The following TMEM132A variants were observed in gnomAD, a reference collection of about 807,000 sequenced individuals.
The protein encoded by TMEM132A is GRP78-binding protein.
TMEM132A carries 48 observed loss-of-function variants against 69.9 expected under a neutral mutation model. The ratio of observed to expected loss-of-function variants is 0.69; its 90% CI spans 0.55 to 0.87. The LOEUF is 0.87. Among genes scored for constraint, TMEM132A ranks in the 40% least tolerant of loss-of-function variants. The pLI, the probability that TMEM132A is intolerant of heterozygous loss-of-function variation, is 0.00. For synonymous variants in TMEM132A, 577 were observed against 613.7 expected, an observed-to-expected ratio of 0.94 and a Z score of 0.88; for missense variants, 1,287 against 1,407.2, an observed-to-expected ratio of 0.91 and a Z score of 1.37.
At chr11:60,933,512 C>A (rs780553367) in intron 7 of TMEM132A, 30 bp from the exon 8 acceptor site, 1 of 1,583,356 alleles carries the variant, frequency 6.3e-7, no homozygotes, top group Non-Finnish European at 8.6e-7. Context: ...AGTGGCTTAG[C>A]CCGCCCACCT....
Position 60,927,686 on chromosome 11 carries a change from T to C in TMEM132A, c.361T>C (p.Trp121Arg), listed in dbSNP as rs1268485567. The change falls in exon 3 of 11, where the codon TGG becomes CGG. Residue 121 changes from tryptophan to arginine, a missense_variant. Transcript: ENST00000453848. ...VTEPHQRPVPWDVRAVSVEAA... is the reference protein window; with the variant it reads ...VTEPHQRPVPRDVRAVSVEAA... The stretch of plus-strand genomic sequence containing the variant: ...TGAGCCCCACCAACGGCCAGTCCCA[T>C]GGGACGTGCGGGCCGTTTCAGTGGA... 1.2e-6 allele frequency: 2 copies of C among 1,613,544 alleles called. No individual in the cohort carries two copies. Among genetic ancestry groups the C allele is most frequent in the South Asian group, 2.2e-5 (2 of 91,070 alleles).
At position 60,933,735 on chromosome 11, in the gene TMEM132A, C is replaced by G. The variant is rs1252882565; in HGVS notation, c.1550C>G (p.Pro517Arg). Residue 517 changes from proline to arginine, a missense_variant, in exon 8 of 11, where the codon CCT becomes CGT. Coordinates refer to ENST00000453848, the MANE Select transcript of TMEM132A (RefSeq NM_178031.3). Reference sequence around the variant, plus strand: ...GTCCGCGGCTGGAGGGTACCTGGCCCTGCTGAAGGGTGAGTGGAGGCCTGA... The same window carrying G: ...GTCCGCGGCTGGAGGGTACCTGGCCGTGCTGAAGGGTGAGTGGAGGCCTGA... ...EQVRGWRVPG[P>R]AEGPAEPAAE... 6.3e-7 allele frequency: 1 copy of G among 1,576,530 alleles called. No homozygotes were observed. The highest frequency in any genetic ancestry group is 1.3e-5 in the African/African-American group (1 of 74,170).
At position 60,933,593 on chromosome 11, in the gene TMEM132A, G is replaced by A. The variant is rs1439602692; in HGVS notation, c.1408G>A (p.Ala470Thr). 13 of 1,607,412 alleles carry A rather than the reference G, an allele frequency of 8.1e-6. No individual in the cohort carries two copies. The highest frequency in any genetic ancestry group is 1.1e-5 in the Non-Finnish European group (13 of 1,179,264). Residue 470 changes from alanine to threonine, a missense_variant, in exon 8 of 11, where the codon GCC (alanine) becomes ACC (threonine). By Grantham distance (58) the Ala-to-Thr change is moderately conservative. Coordinates refer to ENST00000453848, the MANE Select transcript of TMEM132A (RefSeq NM_178031.3). ...CGTGGCTGGCAAGGAGAGCCGGGGC[G>A]CCCGGGGGGTGCGAGTGGACTTCTG... ...VFVAGKESRG[A>T]RGVRVDFWWR...
chr11:60,924,853 G>C, intron 1 of TMEM132A, 120 bp downstream of exon 1: 1 of 710,172 alleles, frequency 1.4e-6, no homozygotes, highest in Non-Finnish European at 2.2e-6. Context: ...GGGTCGCCCC[G>C]CAGCGCCCTG....
At chr11:60,929,019 C>G (rs1464513327) in intron 4 of TMEM132A, 59 bp downstream of exon 4, 1 of 1,551,634 alleles carries the variant, frequency 6.4e-7, no homozygotes, top group African/African-American at 1.4e-5. Flanking sequence ...AGACTAGGGA[C>G]AGGTACCTGC....
Position 60,934,521 on chromosome 11 carries a change from G to T in TMEM132A, c.1593G>T (p.Glu531Asp). 2.1e-6 allele frequency: 3 copies of T among 1,446,616 alleles called. No individual in the cohort carries two copies. The highest frequency in any genetic ancestry group is 2.7e-5 in the East Asian group (1 of 36,802). 89.6% of individuals were successfully genotyped at this position (1,446,616 alleles called of 1,614,324 possible). The change falls in exon 9 of 11, where the codon GAG (glutamate) becomes GAT (aspartate). Residue 531 changes from glutamate (E) to aspartate (D), a missense_variant. Coordinates refer to ENST00000453848, the MANE Select transcript of TMEM132A (RefSeq NM_178031.3). The part of the protein sequence containing the change: ...PAEPAAEASD[E>D]AERRARGCHL... Reference sequence around the variant, plus strand: ...AACCCGCTGCAGAGGCGTCGGATGAGGCCGAGCGGCGCGCCCGTGGCTGCC... The same window carrying T: ...AACCCGCTGCAGAGGCGTCGGATGATGCCGAGCGGCGCGCCCGTGGCTGCC...
Position 60,933,751 on chromosome 11 carries a change from G to A in TMEM132A, c.1559+7G>A, listed in dbSNP as rs1195170600. ...TACCTGGCCCTGCTGAAGGGTGAGT[G>A]GAGGCCTGAGGAAGCTGGCAGGCCT... is the stretch of plus-strand genomic sequence containing the variant. On this transcript the variant is annotated splice_region_variant and intron_variant, in intron 8 of 10. Transcript: ENST00000453848. 1 of 1,557,400 alleles carries A rather than the reference G, an allele frequency of 6.4e-7. No homozygotes were observed. The highest frequency in any genetic ancestry group is 8.7e-7 in the Non-Finnish European group (1 of 1,151,010).
rs1254372002 is a variant in TMEM132A, at chr11:60,932,055, G to A, written c.1284G>A (p.Val428=). The change falls in exon 7 of 11, where the codon GTG becomes GTA. Residue 428 remains valine (V), a synonymous_variant. Transcript: ENST00000453848. ...PQHVPVRLVT[V]DGGGALVEVT... ...ATGTCCCCGTGCGCCTTGTCACTGT[G>A]GACGGCGGGGGGGCCTTGGTGGAGG... 19 of 1,592,314 alleles carry A rather than the reference G, an allele frequency of 1.2e-5. No individual in the cohort carries two copies. The highest frequency in any genetic ancestry group is 1.6e-5 in the Non-Finnish European group (19 of 1,170,172).
At chr11:60,926,881 A>G (rs1321088621) in intron 1 of TMEM132A, among the ~76,000 whole-genome samples, 2 of 152,170 alleles carry the variant, frequency 1.3e-5, no homozygotes, top group Non-Finnish European at 2.9e-5. Context: ...AGGCGAGTAG[A>G]TGGAGGGCAG....
At position 60,927,723 on chromosome 11, in the gene TMEM132A, C is replaced by T. The variant is rs1415088404; in HGVS notation, c.398C>T (p.Thr133Ile). 4 of 1,613,546 alleles carry T rather than the reference C, an allele frequency of 2.5e-6. No individual in the cohort carries two copies. The highest frequency in any genetic ancestry group is 3.4e-6 in the Non-Finnish European group (4 of 1,180,052). ...VRAVSVEAAV[T>I]PAEPYARVLF... The stretch of plus-strand genomic sequence containing the variant: ...GCCGTTTCAGTGGAAGCGGCTGTGA[C>T]TCCAGCAGAGCCCTACGCCCGGGTT... The change falls in exon 3 of 11, where the codon ACT becomes ATT. Residue 133 changes from threonine (T) to isoleucine (I), a missense_variant. Coordinates refer to ENST00000453848, the MANE Select transcript of TMEM132A (RefSeq NM_178031.3).
At chr11:60,934,852 C>G (rs1856554701) in intron 9 of TMEM132A, 88 bp downstream of exon 9, 2 of 1,377,044 alleles carry the variant, frequency 1.5e-6, no homozygotes, top group Non-Finnish European at 2.0e-6. Context: ...AAGAGTGTGC[C>G]AGGAGCCCAG....
Position 60,935,265 on chromosome 11 carries a change from T to C in TMEM132A, c.1850T>C (p.Leu617Pro), listed in dbSNP as rs771681638. ...TTCCACCCTCAGGTGCGTTCCCCACTGTCTGACTCCATCCTGGGGGAGCAG... is the reference window on the plus strand; with the variant it reads ...TTCCACCCTCAGGTGCGTTCCCCACCGTCTGACTCCATCCTGGGGGAGCAG... ...GVTSIEVRSP[L>P]SDSILGEQAL... is the part of the protein sequence containing the mutation. Residue 617 changes from leucine to proline, a missense_variant, in exon 10 of 11, where the codon CTG becomes CCG. Coordinates refer to ENST00000453848, the MANE Select transcript of TMEM132A (RefSeq NM_178031.3). The surrounding 1 kb of genome is among the most constrained non-coding windows in gnomAD (Gnocchi z 5.0). 6.2e-7 allele frequency: 1 copy of C among 1,610,102 alleles called. No individual in the cohort carries two copies. Among genetic ancestry groups the C allele is most frequent in the East Asian group, 2.2e-5 (1 of 44,830 alleles).
chr11:60,934,142 C>A (rs1856540013), intron 8 of TMEM132A: 1 of 369,196 alleles, frequency 2.7e-6, no homozygotes. Context: ...TCGGAGGGGG[C>A]TCCCCAAAAC....
rs765442831 is a variant in TMEM132A at position 60,927,092 on chromosome 11, A to G, written c.101-112A>G. ...GGTGGTGAGAGGGGAAGGGACATTT[A>G]CAGCCCTTTTCTCCCTCCCTTGCCC... On this transcript the variant is annotated intron_variant, in intron 1 of 10. Transcript: ENST00000453848. 1.4e-5 allele frequency: 12 copies of G among 852,088 alleles called. No homozygotes were observed. In the East Asian group the frequency reaches 2.7e-4, roughly 19 times the overall value. The allele number at this position is 852,088 out of a possible 1,614,324, so 52.8% of individuals were successfully genotyped here. A position where few individuals can be genotyped will look rare whatever the true frequency, so the allele number is the denominator to read the frequency against.
chr11:60,926,947 T>G (rs1367853317), intron 1 of TMEM132A: 2 of 568,262 alleles, frequency 3.5e-6, no homozygotes, highest in Non-Finnish European at 6.3e-6. Context: ...GGCCAAGGTC[T>G]GTGGAAAGTA....
At chr11:60,931,939 C>A in intron 6 of TMEM132A, 45 bp from the exon 7 acceptor site, 1 of 1,613,974 alleles carries the variant, frequency 6.2e-7, no homozygotes, top group Admixed American at 1.7e-5. Context: ...CCCAGGAGCC[C>A]CATGAGCTGA....
chr11:60,928,518 C>A, intron 3 of TMEM132A, 111 bp from the exon 4 acceptor site: 1 of 1,045,890 alleles, frequency 9.6e-7, no homozygotes, highest in Non-Finnish European at 1.4e-6. Flanking sequence ...CATGCTGGGC[C>A]TCCCTTTCAT....
At chr11:60,934,032 C>G (rs1271660245) in intron 8 of TMEM132A, 3 of 483,984 alleles carry the variant, frequency 6.2e-6, no homozygotes, top group Non-Finnish European at 1.1e-5. Context: ...CCTTTCCACG[C>G]TCCTCCCCCG....
At position 60,927,649 on chromosome 11, in the gene TMEM132A, C is replaced by T. The variant is rs772408410; in HGVS notation, c.324C>T (p.Pro108=). 3.7e-6 allele frequency: 6 copies of T among 1,610,962 alleles called. No individual in the cohort carries two copies. The Admixed American group carries it at 1.0e-4, about 27-fold the overall frequency. The stretch of plus-strand genomic sequence containing the variant: ...TCTCATTCTCCCTCCAGGTGGTCCC[C>T]CCTCGAGTCACTGAGCCCCACCAAC... ...YPPFATQQVV[P]PRVTEPHQRP... is the part of the protein sequence containing the mutation. Residue 108 remains proline, a synonymous_variant, in exon 3 of 11, where the codon CCC becomes CCT. Transcript: ENST00000453848.
Sources: allele counts gnomAD v4.1 joint callset (sites outside exome capture counted in the v4.1 genomes callset), GRCh38; gene constraint gnomAD v4.1.1; non-coding constraint Gnocchi (gnomAD v3.1); transcripts MANE v1.5; gene names NCBI Gene and HGNC (gene_info 2026-07-23, HGNC 2026-07-21).